Variants in PRPF40B observed in about 807,000 individuals in gnomAD.
The protein encoded by PRPF40B is pre-mRNA processing factor 40B, also known as pre-mRNA-processing factor 40 homolog B.
Under a neutral mutation model 124.5 loss-of-function variants are expected in PRPF40B, and 56 were observed. That is an observed-to-expected ratio of 0.45 (90% confidence interval 0.36 to 0.56). The LOEUF is 0.56. Among genes scored for constraint, PRPF40B ranks in the 20% least tolerant of loss-of-function variants. The probability of loss-of-function intolerance (pLI) is 0.00; values close to 1 mark genes in which losing one functional copy is unlikely to be tolerated. For missense variants in PRPF40B, 1,053 were observed against 1,169.5 expected (o/e 0.90, Z 1.45); for synonymous variants, 443 against 426.4 (o/e 1.04, Z -0.48).
chr12:49,630,263 CCTT>C (rs1941094981), intron 1 of PRPF40B, among the ~76,000 whole-genome samples: 2 of 152,302 alleles, frequency 1.3e-5, no homozygotes, highest in African/African-American at 2.4e-5. Flanking sequence ...AGTGAAGCCT[CCTT>C]CATCTTTTCT....
Position 49,635,872 on chromosome 12 carries a change from T to C in PRPF40B, c.1305T>C (p.Asn435=), listed in dbSNP as rs764549117. Residue 435 remains asparagine, a synonymous_variant, in exon 15 of 26, where the codon AAT becomes AAC. Transcript: ENST00000548825. This position sits in a 1 kb window ranked among gnomAD's most constrained non-coding sequence, Gnocchi z 4.1. ...AGGCCAAGCAGCTCCGGCGCCGCAA[T>C]ATCCAGGCCCTAAAGAGCATCCTGG... ...KEQAKQLRRR[N]IQALKSILDG... 6.2e-6 allele frequency: 10 copies of C among 1,613,852 alleles called. No homozygotes were observed. Among genetic ancestry groups the C allele is most frequent in the Non-Finnish European group, 8.5e-6 (10 of 1,179,982 alleles).
Position 49,631,091 on chromosome 12 carries a change from G to A in PRPF40B, c.85-310G>A, listed in dbSNP as rs928198476. Among the ~76,000 whole-genome samples the A allele has an allele frequency of 6.6e-6, 1 of 152,170 alleles. No individual in the cohort carries two copies. Among genetic ancestry groups the A allele is most frequent in the African/African-American group, 2.4e-5 (1 of 41,412 alleles). On this transcript the variant is annotated intron_variant, in intron 2 of 25. Transcript: ENST00000548825. The surrounding 1 kb of genome is among the most constrained non-coding windows in gnomAD (Gnocchi z 4.3). ...CTTCATCTGAGAGGCCTCTTTGGGG[G>A]AGAATTGCTGAAGAGGTGGAGCCTT... is the stretch of plus-strand genomic sequence containing the variant.
At chr12:49,632,507 G>A (rs967021100) in intron 4 of PRPF40B, 89 bp from the exon 5 acceptor site, 69 of 1,373,698 alleles carry the variant, frequency 5.0e-5, no homozygotes, top group Non-Finnish European at 6.6e-5. Context: ...ATGGATTCTG[G>A]CCTGGCCTGC....
chr12:49,634,014 G>A lies in PRPF40B; in HGVS notation c.734G>A (p.Ser245Asn), dbSNP rs1285287513. The change falls in exon 10 of 26, where the codon AGT becomes AAT. Residue 245 changes from serine to asparagine, a missense_variant. Ser to Asn is a conservative substitution (Grantham distance 46). Transcript: ENST00000548825. ...CTCCTGGAACCTGAGCCAGGTGGGA[G>A]TGAAGATTGTGATGTGTTGGAGGCC... ...TGLLEPEPGG[S>N]EDCDVLEATQ... 3 of 1,614,038 alleles carry A rather than the reference G, an allele frequency of 1.9e-6. No homozygotes were observed. Among genetic ancestry groups the A allele is most frequent in the African/African-American group, 2.7e-5 (2 of 74,936 alleles).
In PRPF40B at chr12:49,644,080, C is replaced by A. The variant is rs1309119383; in HGVS notation, c.2587-20C>A. On this transcript the variant is annotated intron_variant, in intron 25 of 25. Transcript: ENST00000548825. Reference sequence around the variant, plus strand: ...GCCCTTAGTGCAGGCTAAGGGTGAACTGTGCCTTTGCTCCAACAGACAGGC... The same window carrying A: ...GCCCTTAGTGCAGGCTAAGGGTGAAATGTGCCTTTGCTCCAACAGACAGGC... The A allele has an allele frequency of 1.2e-6, 2 of 1,614,106 alleles. No homozygotes were observed. Among genetic ancestry groups the A allele is most frequent in the Admixed American group, 3.3e-5 (2 of 60,012 alleles).
rs1941461782 is a variant in PRPF40B at position 49,633,636 on chromosome 12, G to T, written c.581-1G>T. ...GACTGTGTTATCTTTTCCCATCACA[G>T]TTCTAGTCAAACAAGAGGCTGCAGG... On this transcript the variant is annotated splice_acceptor_variant, in intron 8 of 25. Coordinates refer to ENST00000548825, the MANE Select transcript of PRPF40B (RefSeq NM_001031698.3). LOFTEE classifies it high-confidence loss of function. The T allele has an allele frequency of 6.2e-7, 1 of 1,614,202 alleles. No individual in the cohort carries two copies. The highest frequency in any genetic ancestry group is 8.5e-7 in the Non-Finnish European group (1 of 1,180,026).
intron 1 of PRPF40B, among the ~76,000 whole-genome samples, chr12:49,625,504 G>GT (rs890869462): frequency 1.1e-4 from 16 of 151,992 alleles, no homozygotes; most frequent in Non-Finnish European, 1.8e-4. Flanking sequence ...CCCTCTTTCT[G>GT]TTTTTTTTCC....
intron 15 of PRPF40B, 135 bp downstream of exon 15, chr12:49,636,128 G>A: frequency 8.9e-7 from 1 of 1,123,840 alleles, no homozygotes; most frequent in Non-Finnish European, 1.3e-6. Context: ...CACTCACCCA[G>A]TCCTTGTACC....
rs1327957242 is a variant in PRPF40B at position 49,643,842 on chromosome 12, G to A, written c.2443-19G>A. 2.5e-6 allele frequency: 4 copies of A among 1,614,008 alleles called. No individual in the cohort carries two copies. The African/African-American group carries it at 4.0e-5, about 16-fold the overall frequency. On this transcript the variant is annotated intron_variant, in intron 24 of 25. Transcript: ENST00000548825. Reference sequence around the variant, plus strand: ...GGCTATCCACAGGAACTGAGGAGGTGGGCTCTGGACTCTTACAGAATAGTC... The same window carrying A: ...GGCTATCCACAGGAACTGAGGAGGTAGGCTCTGGACTCTTACAGAATAGTC...
intron 18 of PRPF40B, chr12:49,641,053 G>T (rs1435453561): frequency 1.3e-5 from 2 of 152,232 alleles, no homozygotes; most frequent in Non-Finnish European, 2.9e-5. Flanking sequence ...AGGGAATCTG[G>T]CCTGTGCTTA....
Position 49,643,352 on chromosome 12 carries a change from GC to G in PRPF40B, c.2338del (p.Gly781GlufsTer92). The part of the protein sequence containing the change: ...SLDSVESGGA[A>X]LGGRGSPSSH... ...TGATTCAGTTGAAAGTGGGGGTGCT[GC>G]CCTTGGAGGACGGGGCTCCCCTTCC... On this transcript the variant is annotated frameshift_variant, in exon 23 of 26. Transcript: ENST00000548825. LOFTEE classifies it high-confidence loss of function. The G allele has an allele frequency of 6.3e-7, 1 of 1,596,168 alleles. No homozygotes were observed. Among genetic ancestry groups the G allele is most frequent in the Non-Finnish European group, 8.5e-7 (1 of 1,171,624 alleles).
At chr12:49,637,939 A>G (rs1343998810) in intron 18 of PRPF40B, 115 bp downstream of exon 18, 1 of 773,220 alleles carries the variant, frequency 1.3e-6, no homozygotes. Flanking sequence ...TTCAGCAGAT[A>G]TCTACTGTGA....
rs750265621 is a variant in PRPF40B at position 49,631,924 on chromosome 12, C to T, written c.293C>T (p.Ala98Val). Reference protein sequence around the residue: ...MLMPAVPVTAATAPGADTASS... With the variant: ...MLMPAVPVTAVTAPGADTASS... ...ATGCCAGCGGTGCCTGTCACCGCAG[C>T]GGTAAGCACTAGGGGCCAGCAGGTA... is the stretch of plus-strand genomic sequence containing the variant. Residue 98 changes from alanine (A) to valine (V), a missense_variant and splice_region_variant, in exon 4 of 26, where the codon GCG becomes GTG. By Grantham distance (64) the Ala-to-Val change is moderately conservative. This residue lies in a region of PRPF40B where 895 missense variants were observed against 1,052.2 expected (regional missense o/e 0.85). Transcript: ENST00000548825. This position sits in a 1 kb window ranked among gnomAD's most constrained non-coding sequence, Gnocchi z 4.3. The T allele has an allele frequency of 1.5e-5, 25 of 1,613,878 alleles. No individual in the cohort carries two copies. Among genetic ancestry groups the T allele is most frequent in the African/African-American group, 2.7e-5 (2 of 74,922 alleles).
intron 1 of PRPF40B, among the ~76,000 whole-genome samples, chr12:49,630,240 A>G (rs922907225): frequency 2.6e-5 from 4 of 152,236 alleles, no homozygotes; most frequent in African/African-American, 7.2e-5. Flanking sequence ...AGGTAGAGCC[A>G]GTCTGTGCCT....
Position 49,642,756 on chromosome 12 carries a change from C to G in PRPF40B, c.2118+81C>G, listed in dbSNP as rs1181385846. The G allele has an allele frequency of 8.7e-6, 13 of 1,499,284 alleles. No homozygotes were observed. Among genetic ancestry groups the G allele is most frequent in the Non-Finnish European group, 1.2e-5 (13 of 1,096,966 alleles). The allele number at this position is 1,499,284 out of a possible 1,614,324, so 92.9% of individuals were successfully genotyped here. Reference sequence around the variant, plus strand: ...TTCAACAGAGACCTCAGTGGCCTCCCTCTTACCCTTAGGGCACTCCTGGCC... The same window carrying G: ...TTCAACAGAGACCTCAGTGGCCTCCGTCTTACCCTTAGGGCACTCCTGGCC... On this transcript the variant is annotated intron_variant, in intron 21 of 25. Transcript: ENST00000548825. This position sits in a 1 kb window ranked among gnomAD's most constrained non-coding sequence, Gnocchi z 5.8.
Position 49,633,659 on chromosome 12 carries a change from A to G in PRPF40B, c.603A>G (p.Ala201=). ...CAGTTCTAGTCAAACAAGAGGCTGCAGGGTGAGTGACTTGCCCACCTATCC... is the reference window on the plus strand; with the variant it reads ...CAGTTCTAGTCAAACAAGAGGCTGCGGGGTGAGTGACTTGCCCACCTATCC... ...DLEVLVKQEA[A]GKQQQQLPQT... is the part of the protein sequence containing the mutation. Residue 201 remains alanine (A), a splice_region_variant and synonymous_variant, in exon 9 of 26, where the codon GCA becomes GCG. Coordinates refer to ENST00000548825, the MANE Select transcript of PRPF40B (RefSeq NM_001031698.3). 3 of 1,614,224 alleles carry G rather than the reference A, an allele frequency of 1.9e-6. No homozygotes were observed. In the East Asian group the frequency reaches 6.7e-5, roughly 36 times the overall value.
upstream of PRPF40B, chr12:49,622,653 T>C (rs1276866023): frequency 2.0e-5 from 3 of 152,258 alleles, no homozygotes; most frequent in East Asian, 1.9e-4. Context: ...CCTCTAACTC[T>C]TCGTGTCAGG....
At position 49,642,557 on chromosome 12, in the gene PRPF40B, C is replaced by G. The variant is rs370590159; in HGVS notation, c.2023-23C>G. On this transcript the variant is annotated intron_variant, in intron 20 of 25. Transcript: ENST00000548825. This position sits in a 1 kb window ranked among gnomAD's most constrained non-coding sequence, Gnocchi z 5.8. ...CAGGCTGAGTGGGGCCTAGTCTGAT[C>G]AGCAGTGCTCTCCTCGTTCAAGGTC... The G allele has an allele frequency of 3.7e-6, 6 of 1,613,186 alleles. No homozygotes were observed. The African/African-American group carries it at 4.0e-5, about 11-fold the overall frequency.
At chr12:49,633,381 A>C in intron 7 of PRPF40B, 46 bp from the exon 8 acceptor site, 2 of 1,611,980 alleles carry the variant, frequency 1.2e-6, no homozygotes, top group Non-Finnish European at 1.7e-6. Flanking sequence ...GACTGGCTGG[A>C]GAACTTGCCC....
Sources: allele counts gnomAD v4.1 joint callset (sites outside exome capture counted in the v4.1 genomes callset), GRCh38; gene constraint gnomAD v4.1.1; regional missense constraint gnomAD v4.1.1; non-coding constraint Gnocchi (gnomAD v3.1); transcripts MANE v1.5; gene names NCBI Gene and HGNC (gene_info 2026-07-23, HGNC 2026-07-21).